Variants in CENPP observed in about 807,000 individuals in gnomAD.
The protein encoded by CENPP is centromere protein P.
CENPP carries 24 observed loss-of-function variants against 35.6 expected under a neutral mutation model. The observed-to-expected ratio is 0.67, with a 90% CI of 0.49 to 0.95. The LOEUF (loss-of-function observed/expected upper bound fraction) is 0.95. Among genes scored for constraint, CENPP ranks in the 40% least tolerant of loss-of-function variants. The probability of loss-of-function intolerance (pLI) is 0.00; values close to 1 mark genes in which losing one functional copy is unlikely to be tolerated. For missense variants in CENPP, 332 were observed against 345.3 expected, an observed-to-expected ratio of 0.96 and a Z score of 0.31; for synonymous variants, 120 against 125.5, an observed-to-expected ratio of 0.96 and a Z score of 0.29.
rs141893151 is a variant in CENPP at position 92,401,090 on chromosome 9, A to G, written c.564+21231A>G. The G allele has an allele frequency of 1.4e-4, 194 of 1,355,508 alleles. No individual in the cohort carries two copies. The African/African-American group carries it at 2.4e-3, about 17-fold the overall frequency. The allele number at this position is 1,355,508 out of a possible 1,614,324, so 84.0% of individuals were successfully genotyped here. On this transcript the variant is annotated intron_variant, in intron 5 of 7. Transcript: ENST00000375587. ...TTTGAAAAATATTTAGATGATACTT[A>G]CCATCATTTTCTTTCTTGGGAGGTA...
In CENPP at chr9:92,619,499, G is replaced by A. The variant is rs189878742; in HGVS notation, c.*6350G>A. The A allele has an allele frequency of 1.0e-5, 16 of 1,590,336 alleles. No homozygotes were observed. In the Admixed American group the frequency reaches 1.6e-4, roughly 16 times the overall value. On this transcript the variant is annotated 3_prime_UTR_variant, in exon 8 of 8. Transcript: ENST00000375587. ...TGGGGGCCTCACCTGGCATCCTGCA[G>A]ACAGGGAGACAGTGCAATCATGATG...
chr9:92,355,192 G>A (rs1841558401), intron 4 of CENPP, among the ~76,000 whole-genome samples: 1 of 152,156 alleles, frequency 6.6e-6, no homozygotes, highest in Admixed American at 6.5e-5. Flanking sequence ...GTAAGCCTGT[G>A]AGGGTACTGC....
intron 5 of CENPP, among the ~76,000 whole-genome samples, chr9:92,387,882 G>A (rs1417152084): frequency 6.6e-6 from 1 of 151,920 alleles, no homozygotes; most frequent in African/African-American, 2.4e-5. Flanking sequence ...TCCTGCCTCA[G>A]CCTCCTGAGT....
chr9:92,576,428 G>T (rs948868529), intron 5 of CENPP, among the ~76,000 whole-genome samples: 2 of 152,106 alleles, frequency 1.3e-5, no homozygotes, highest in African/African-American at 4.8e-5. Context: ...AGTGGTGATG[G>T]TTGCACAACA....
In CENPP at chr9:92,345,719, T is replaced by C. The variant is rs1330736203; in HGVS notation, c.399T>C (p.Ser133=). The change falls in exon 4 of 8, where the codon TCT becomes TCC. Residue 133 remains serine, a synonymous_variant. Coordinates refer to ENST00000375587, the MANE Select transcript of CENPP (RefSeq NM_001012267.3). ...LEIQNKERLS[S]AVTDLNIIME... The stretch of plus-strand genomic sequence containing the variant: ...TTTAGAATAAGGAGAGATTATCTTC[T>C]GCTGTTACTGACCTCAACATAATAA... 1 of 1,589,466 alleles carries C rather than the reference T, an allele frequency of 6.3e-7. No individual in the cohort carries two copies. The highest frequency in any genetic ancestry group is 8.6e-7 in the Non-Finnish European group (1 of 1,159,350).
At chr9:92,360,048 A>AT (rs2130831146) in intron 4 of CENPP, among the ~76,000 whole-genome samples, 1 of 152,308 alleles carries the variant, frequency 6.6e-6, no homozygotes, top group East Asian at 1.9e-4. Context: ...TGAAATTGTT[A>AT]TATAAGTGGA....
intron 5 of CENPP, among the ~76,000 whole-genome samples, chr9:92,383,770 C>T (rs1177182098): frequency 6.6e-6 from 1 of 151,890 alleles, no homozygotes. Context: ...TTCTTTCTCC[C>T]TTATCATTAT....
chr9:92,404,748 C>T (rs1588106239), intron 5 of CENPP: 5 of 830,900 alleles, frequency 6.0e-6, no homozygotes, highest in Non-Finnish European at 7.8e-6. Context: ...AACTGCTGCA[C>T]TCAGTCTGCT....
At chr9:92,378,688 G>C (rs1842177911) in intron 4 of CENPP, among the ~76,000 whole-genome samples, 1 of 152,160 alleles carries the variant, frequency 6.6e-6, no homozygotes, top group Non-Finnish European at 1.5e-5. Flanking sequence ...ATGATACATG[G>C]TTCTTGCCTT....
intron 4 of CENPP, among the ~76,000 whole-genome samples, chr9:92,377,627 A>G (rs1842153823): frequency 6.6e-6 from 1 of 152,170 alleles, no homozygotes; most frequent in African/African-American, 2.4e-5. Context: ...AGTAAAAGTG[A>G]TTCTGACAGC....
rs1850875950 is a variant in CENPP, at chr9:92,600,216, A to G, written c.565-11098A>G. ...AACCATGTTTAGCTTGAGGTTCCAT[A>G]CAAGAACAGAAGGGCGTGGGATCTG... is the stretch of plus-strand genomic sequence containing the variant. On this transcript the variant is annotated intron_variant, in intron 5 of 7. Coordinates refer to ENST00000375587, the MANE Select transcript of CENPP (RefSeq NM_001012267.3). 13 of 1,221,124 alleles carry G rather than the reference A, an allele frequency of 1.1e-5. 1 individual carries two copies. In the South Asian group the frequency reaches 2.3e-4, roughly 21 times the overall value. The allele number at this position is 1,221,124 out of a possible 1,614,324, so 75.6% of individuals were successfully genotyped here. A position where few individuals can be genotyped will look rare whatever the true frequency, so the allele number is the denominator to read the frequency against.
At chr9:92,393,916 TC>T (rs1842788332) in intron 5 of CENPP, among the ~76,000 whole-genome samples, 1 of 152,152 alleles carries the variant, frequency 6.6e-6, no homozygotes, top group African/African-American at 2.4e-5. Flanking sequence ...GCACATGATA[TC>T]TGTTTATCCC....
At chr9:92,366,519 C>T (rs1841892864) in intron 4 of CENPP, among the ~76,000 whole-genome samples, 2 of 152,070 alleles carry the variant, frequency 1.3e-5, no homozygotes, top group South Asian at 4.1e-4. Flanking sequence ...TATATGTGCC[C>T]ACCACTATTT....
At chr9:92,539,710 T>G (rs960352485) in intron 5 of CENPP, among the ~76,000 whole-genome samples, 2 of 152,182 alleles carry the variant, frequency 1.3e-5, no homozygotes, top group Non-Finnish European at 2.9e-5. Context: ...TCTTGGCCCA[T>G]AGTTCAAATG....
chr9:92,553,472 G>A (rs182787844), intron 5 of CENPP, among the ~76,000 whole-genome samples: 3 of 152,142 alleles, frequency 2.0e-5, no homozygotes, highest in South Asian at 2.1e-4. Context: ...TGGGGATTGC[G>A]TTGAATTTGT....
At position 92,619,823 on chromosome 9, in the gene CENPP, C is replaced by T. The variant is rs1851569743; in HGVS notation, c.*6674C>T. On this transcript the variant is annotated 3_prime_UTR_variant, in exon 8 of 8. Coordinates refer to ENST00000375587, the MANE Select transcript of CENPP (RefSeq NM_001012267.3). The stretch of plus-strand genomic sequence containing the variant: ...TCTCACGGCAAGCAGTGTGGGACCC[C>T]GACTCCAGACCCTGAGACGGATGAT... 5 of 514,602 alleles carry T rather than the reference C, an allele frequency of 9.7e-6. No individual in the cohort carries two copies. The highest frequency in any genetic ancestry group is 3.1e-5 in the Admixed American group (1 of 31,882). 31.9% of individuals were successfully genotyped at this position (514,602 alleles called of 1,614,324 possible). A position where few individuals can be genotyped will look rare whatever the true frequency, so the allele number is the denominator to read the frequency against.
At chr9:92,399,452 A>G (rs1425488847) in intron 5 of CENPP, among the ~76,000 whole-genome samples, 1 of 152,026 alleles carries the variant, frequency 6.6e-6, no homozygotes, top group Admixed American at 6.6e-5. Context: ...TAGTTATATT[A>G]TCTGTGAGCT....
chr9:92,543,471 C>CAAAAAAAA (rs71362401), intron 5 of CENPP, among the ~76,000 whole-genome samples: 1 of 44,524 alleles, frequency 2.2e-5, no homozygotes, highest in Non-Finnish European at 3.9e-5. Flanking sequence ...AACCCTGTCT[C>CAAAAAAAA]AAAAAAAAAA....
chr9:92,373,712 G>A (rs1408548142), intron 4 of CENPP, among the ~76,000 whole-genome samples: 1 of 152,024 alleles, frequency 6.6e-6, no homozygotes, highest in Non-Finnish European at 1.5e-5. Flanking sequence ...TGTACTCCCA[G>A]CTACTCGGGA....
Sources: gnomAD v4.1 joint callset for allele counts (sites outside exome capture counted in the v4.1 genomes callset) on GRCh38, gnomAD v4.1.1 for gene constraint, MANE v1.5 for transcripts, NCBI Gene and HGNC (gene_info 2026-07-23, HGNC 2026-07-21) for gene names.